The following NRXN1 variants were observed in gnomAD, a reference collection of about 807,000 sequenced individuals.
NRXN1 encodes neurexin 1, also known as neurexin-1.
A neutral mutation model predicts 150.9 loss-of-function variants in NRXN1; 39 were observed. The observed-to-expected ratio is 0.26, with a 90% confidence interval of 0.20 to 0.34. NRXN1 has a LOEUF of 0.34. Ranked by LOEUF, NRXN1 falls within the 10% of genes least tolerant of loss-of-function variation. NRXN1 has a pLI of 1.00. For missense variants in NRXN1, 1,815 were observed against 1,949.9 expected (o/e 0.93, Z 1.30); for synonymous variants, 924 against 757.0 (o/e 1.22, Z -3.62).
At chr2:50,832,406 T>C (rs1479770344) in intron 5 of NRXN1, among the ~76,000 whole-genome samples, 1 of 152,002 alleles carries the variant, frequency 6.6e-6, no homozygotes, top group East Asian at 1.9e-4. Flanking sequence ...AATCCTAGCA[T>C]TTTGGGAGTC....
intron 17 of NRXN1, among the ~76,000 whole-genome samples, chr2:50,240,903 T>C (rs1485066214): frequency 6.6e-6 from 1 of 151,720 alleles, no homozygotes; most frequent in African/African-American, 2.4e-5. Context: ...TGTAAAAATA[T>C]AAAATAATGA....
chr2:50,448,905 T>A (rs2086710575), intron 17 of NRXN1, among the ~76,000 whole-genome samples: 1 of 152,082 alleles, frequency 6.6e-6, no homozygotes, highest in African/African-American at 2.4e-5. Flanking sequence ...AAGAAAGAAC[T>A]ATGTTAAACC....
intron 5 of NRXN1, among the ~76,000 whole-genome samples, chr2:50,691,134 C>T (rs1218194070): frequency 1.3e-5 from 2 of 152,144 alleles, no homozygotes; most frequent in East Asian, 1.9e-4. Flanking sequence ...AAATTATATA[C>T]AGAGTTTTCA....
At chr2:50,979,033 T>C (rs1254746289) in intron 2 of NRXN1, among the ~76,000 whole-genome samples, 1 of 152,104 alleles carries the variant, frequency 6.6e-6, no homozygotes, top group African/African-American at 2.4e-5. Context: ...TCAGCATAAC[T>C]CATATGTCCC....
intron 18 of NRXN1, among the ~76,000 whole-genome samples, chr2:50,168,094 C>G (rs2059796671): frequency 1.3e-5 from 2 of 151,800 alleles, no homozygotes; most frequent in Admixed American, 1.3e-4. Context: ...CAAATTAAAT[C>G]TTCCTCTTAA....
chr2:49,993,817 C>A (rs1458122441), intron 21 of NRXN1, among the ~76,000 whole-genome samples: 1 of 152,176 alleles, frequency 6.6e-6, no homozygotes, highest in African/African-American at 2.4e-5. Context: ...GTTCTGAATT[C>A]TGTCCCAAAA....
At chr2:50,050,077 T>A (rs548089822) in intron 21 of NRXN1, among the ~76,000 whole-genome samples, 1 of 151,958 alleles carries the variant, frequency 6.6e-6, no homozygotes, top group East Asian at 1.9e-4. Context: ...TTGGTAAATG[T>A]CCCTATTATT....
At chr2:50,357,723 T>G (rs1322459840) in intron 17 of NRXN1, among the ~76,000 whole-genome samples, 1 of 152,206 alleles carries the variant, frequency 6.6e-6, no homozygotes, top group African/African-American at 2.4e-5. Flanking sequence ...ATATTAAGAA[T>G]GAAATTGTTT....
At chr2:50,655,684 A>G (rs1686347634) in intron 5 of NRXN1, among the ~76,000 whole-genome samples, 1 of 151,882 alleles carries the variant, frequency 6.6e-6, no homozygotes, top group African/African-American at 2.4e-5. Context: ...GGAGGGAAGA[A>G]AGAGGACAGA....
chr2:50,052,683 C>A (rs1692910207), intron 21 of NRXN1, among the ~76,000 whole-genome samples: 2 of 152,088 alleles, frequency 1.3e-5, no homozygotes, highest in South Asian at 4.1e-4. Flanking sequence ...TAATCACATA[C>A]ACAAAATACC....
chr2:50,540,076 A>C (rs2093355043), intron 9 of NRXN1, among the ~76,000 whole-genome samples: 2 of 152,202 alleles, frequency 1.3e-5, no homozygotes, highest in South Asian at 4.1e-4. Flanking sequence ...GGAGAAGGGC[A>C]TGGAAGCCAC....
intron 2 of NRXN1, among the ~76,000 whole-genome samples, chr2:50,950,092 A>G (rs1691058729): frequency 6.6e-6 from 1 of 152,188 alleles, no homozygotes; most frequent in Admixed American, 6.5e-5. Flanking sequence ...CCTGATGTTT[A>G]GAGCAACATA....
At chr2:50,959,552 A>G (rs1409194697) in intron 2 of NRXN1, among the ~76,000 whole-genome samples, 2 of 152,056 alleles carry the variant, frequency 1.3e-5, no homozygotes, top group Admixed American at 1.3e-4. Context: ...AGGTAGGTCT[A>G]TAGAGCTATA....
chr2:50,889,523 T>A lies in NRXN1; in HGVS notation c.832+32346A>T, dbSNP rs866865016. Among the ~76,000 whole-genome samples the A allele has an allele frequency of 2.0e-5, 3 of 151,730 alleles. No homozygotes were observed. In the South Asian group the frequency reaches 6.2e-4, roughly 31 times the overall value. On this transcript the variant is annotated intron_variant, in intron 5 of 22. Coordinates refer to ENST00000401669, the MANE Select transcript of NRXN1 (RefSeq NM_001330078.2). ...GATGGCAGCTTTCTTTCCGATTCTA[T>A]CTGTTTAACCTCAAATTCAAAATAA... is the stretch of plus-strand genomic sequence containing the variant.
chr2:50,601,070 G>A (rs1284013588), intron 8 of NRXN1, among the ~76,000 whole-genome samples: 1 of 150,710 alleles, frequency 6.6e-6, no homozygotes, highest in Non-Finnish European at 1.5e-5. Context: ...AGACATCTTG[G>A]CAAAAAAAAA....
chr2:50,558,421 A>C (rs993025082), intron 8 of NRXN1, among the ~76,000 whole-genome samples: 3 of 152,192 alleles, frequency 2.0e-5, no homozygotes, highest in Admixed American at 6.5e-5. Flanking sequence ...CATTAGGCAA[A>C]ATGATAACCT....
chr2:50,599,561 G>C (rs911825791), intron 8 of NRXN1, among the ~76,000 whole-genome samples: 1 of 152,156 alleles, frequency 6.6e-6, no homozygotes. Flanking sequence ...AATGAGTATT[G>C]CATGAAAGAG....
At chr2:50,190,164 A>T (rs182541802) in intron 18 of NRXN1, among the ~76,000 whole-genome samples, 1 of 152,190 alleles carries the variant, frequency 6.6e-6, no homozygotes, top group African/African-American at 2.4e-5. Context: ...GGTAAATATC[A>T]TAAGTTATTA....
Position 50,382,976 on chromosome 2 carries a change from T to G in NRXN1, c.3364+82466A>C, listed in dbSNP as rs796693786. Among the ~76,000 whole-genome samples the G allele has an allele frequency of 2.0e-5, 3 of 152,188 alleles. No individual in the cohort carries two copies. In the South Asian group the frequency reaches 6.2e-4, roughly 31 times the overall value. On this transcript the variant is annotated intron_variant, in intron 17 of 22. Transcript: ENST00000401669. ...CTTATCCTCACAGTATCTACCTCAC[T>G]CATTTGCATTATCTTGCCTTTTTTT...
Sources: allele counts gnomAD v4.1 joint callset (sites outside exome capture counted in the v4.1 genomes callset), GRCh38; gene constraint gnomAD v4.1.1; transcripts MANE v1.5; gene names NCBI Gene and HGNC (gene_info 2026-07-23, HGNC 2026-07-21).